BMERB1: variants seen among roughly 807,000 people sequenced by gnomAD.
BMERB1 encodes the protein bMERB domain containing 1, also known as bMERB domain-containing protein 1.
A neutral mutation model predicts 23.6 loss-of-function variants in BMERB1; 12 were observed. The observed-to-expected ratio is 0.51, with a 90% CI of 0.33 to 0.82. The LOEUF (loss-of-function observed/expected upper bound fraction) is 0.82, where lower values mean the gene tolerates loss of function less well. BMERB1 is among the 40% of genes least tolerant of loss of function. BMERB1 has a pLI of 0.03. For synonymous variants in BMERB1, 122 were observed against 96.6 expected, an observed-to-expected ratio of 1.26 and a Z score of -1.54; for missense variants, 247 against 255.4, an observed-to-expected ratio of 0.97 and a Z score of 0.22.
rs35263139 is a variant in BMERB1 at position 15,488,669 on chromosome 16, TAA to T, written c.107-26621_107-26620del. 1.9e-4 allele frequency among the ~76,000 whole-genome samples: 25 copies of T among 132,794 alleles called. 1 individual carries two copies. The highest frequency in any genetic ancestry group is 4.2e-4 in the African/African-American group (15 of 35,780). 87.1% of individuals were successfully genotyped at this position (132,794 alleles called of 152,430 possible). On this transcript the variant is annotated intron_variant, in intron 1 of 5. Transcript: ENST00000300006. The stretch of plus-strand genomic sequence containing the variant: ...TAACACAGTGAAACCCCATCTCTAC[TAA>T]AAAAAAAAAAAAAATACAAAAATTA...
At chr16:15,474,672 G>A (rs769865123) in intron 1 of BMERB1, among the ~76,000 whole-genome samples, 21 of 151,588 alleles carry the variant, frequency 1.4e-4, no homozygotes, top group Non-Finnish European at 2.5e-4. Flanking sequence ...GAGCCACTGT[G>A]CCTGGCCTTT....
chr16:15,532,455 C>T (rs1447542664), intron 2 of BMERB1, among the ~76,000 whole-genome samples: 4 of 152,000 alleles, frequency 2.6e-5, no homozygotes, highest in Admixed American at 6.6e-5. Context: ...GTCTTGAACT[C>T]CTGACCTCGT....
At position 15,464,035 on chromosome 16, in the gene BMERB1, G is replaced by A. The variant is rs1017294901; in HGVS notation, c.106+29276G>A. ...ATTAGAGAAGTAAAGAATCAAGGCC[G>A]CGCACAGTGGCTCATGCCTGTAATC... is the stretch of plus-strand genomic sequence containing the variant. On this transcript the variant is annotated intron_variant, in intron 1 of 5. Transcript: ENST00000300006. 3.6e-4 allele frequency among the ~76,000 whole-genome samples: 55 copies of A among 152,086 alleles called. 1 individual carries two copies. The highest frequency in any genetic ancestry group is 6.6e-4 in the Non-Finnish European group (45 of 68,020).
chr16:15,510,655 T>G (rs947122029), intron 1 of BMERB1, among the ~76,000 whole-genome samples: 6 of 151,922 alleles, frequency 3.9e-5, no homozygotes, highest in Admixed American at 2.0e-4. Context: ...CTGGTAAGGC[T>G]GGTCTTCTAG....
At chr16:15,454,484 C>CA (rs1344257619) in intron 1 of BMERB1, among the ~76,000 whole-genome samples, 1 of 152,132 alleles carries the variant, frequency 6.6e-6, no homozygotes, top group African/African-American at 2.4e-5. Flanking sequence ...GATGGGGACA[C>CA]AGAGGCGATT....
At chr16:15,541,418 G>T (rs1053443994) in intron 2 of BMERB1, among the ~76,000 whole-genome samples, 3 of 140,296 alleles carry the variant, frequency 2.1e-5, no homozygotes, top group African/African-American at 8.2e-5. Flanking sequence ...GTTGCCCGCC[G>T]AATTGTTTTT....
chr16:15,530,183 G>T (rs1381985193), intron 2 of BMERB1, among the ~76,000 whole-genome samples: 3 of 152,104 alleles, frequency 2.0e-5, no homozygotes, highest in Non-Finnish European at 4.4e-5. Context: ...TCTCTTAAAT[G>T]TATGCCTAGC....
At chr16:15,440,912 G>A (rs1356195983) in intron 1 of BMERB1, among the ~76,000 whole-genome samples, 1 of 152,178 alleles carries the variant, frequency 6.6e-6, no homozygotes, top group Non-Finnish European at 1.5e-5. Flanking sequence ...GCATTAATAG[G>A]GAAGGGGTAC....
chr16:15,584,327 A>ATAC, intron 5 of BMERB1: 14 of 318,740 alleles, frequency 4.4e-5, no homozygotes, highest in Admixed American at 1.4e-4. Flanking sequence ...TGGGAGGCCG[A>ATAC]GGCGGGCGGA....
At chr16:15,556,094 G>T (rs369574794) in intron 2 of BMERB1, among the ~76,000 whole-genome samples, 6 of 151,758 alleles carry the variant, frequency 4.0e-5, no homozygotes, top group Non-Finnish European at 8.8e-5. Flanking sequence ...CAGGAGAATC[G>T]CCTGAACCTG....
chr16:15,437,415 CTCAA>C (rs1250825843), intron 1 of BMERB1, among the ~76,000 whole-genome samples: 1 of 152,138 alleles, frequency 6.6e-6, no homozygotes, highest in Non-Finnish European at 1.5e-5. Flanking sequence ...AGGTTAAGTG[CTCAA>C]TACGTATTGT....
chr16:15,571,595 C>G (rs1287707890), intron 3 of BMERB1, among the ~76,000 whole-genome samples: 1 of 152,068 alleles, frequency 6.6e-6, no homozygotes, highest in Non-Finnish European at 1.5e-5. Context: ...ACCTCATGAT[C>G]CACCCACCTC....
intron 1 of BMERB1, among the ~76,000 whole-genome samples, chr16:15,449,861 C>A (rs1314166271): frequency 1.3e-5 from 2 of 151,916 alleles, no homozygotes; most frequent in African/African-American, 4.8e-5. Context: ...TATTTTTAAT[C>A]TCCATCTAGT....
At chr16:15,553,373 G>T (rs1180024818) in intron 2 of BMERB1, among the ~76,000 whole-genome samples, 1 of 152,228 alleles carries the variant, frequency 6.6e-6, no homozygotes, top group Admixed American at 6.5e-5. Flanking sequence ...TACTTGGAAG[G>T]CTGAGGCAGG....
At chr16:15,576,528 G>C (rs1250941616) in intron 3 of BMERB1, among the ~76,000 whole-genome samples, 1 of 152,128 alleles carries the variant, frequency 6.6e-6, no homozygotes, top group Non-Finnish European at 1.5e-5. Flanking sequence ...GGACAGTGGA[G>C]TCTCCTGAAG....
chr16:15,461,165 A>G (rs1191611358), intron 1 of BMERB1, among the ~76,000 whole-genome samples: 1 of 150,976 alleles, frequency 6.6e-6, no homozygotes, highest in Non-Finnish European at 1.5e-5. Context: ...AGGGGCTTTG[A>G]GCCTTCTGAC....
At chr16:15,506,912 A>T (rs1159538159) in intron 1 of BMERB1, among the ~76,000 whole-genome samples, 1 of 152,132 alleles carries the variant, frequency 6.6e-6, no homozygotes, top group Non-Finnish European at 1.5e-5. Flanking sequence ...AGAACCCTTG[A>T]TGTTGCTGCA....
At position 15,517,017 on chromosome 16, in the gene BMERB1, C is replaced by A. The variant is rs142584011; in HGVS notation, c.230+1589C>A. On this transcript the variant is annotated intron_variant, in intron 2 of 5. Transcript: ENST00000300006. ...AATGAACTGCAGTATTCACAGCTGT[C>A]ATTTATCCAGCCCTTTGCATGTGCA... 3.8e-3 allele frequency among the ~76,000 whole-genome samples: 573 copies of A among 152,318 alleles called. 8 individuals carry two copies. Among genetic ancestry groups the A allele is most frequent in the African/African-American group, 0.013 (554 of 41,558 alleles).
chr16:15,488,922 AAG>A (rs2051391834), intron 1 of BMERB1, among the ~76,000 whole-genome samples: 1 of 150,558 alleles, frequency 6.6e-6, no homozygotes, highest in Non-Finnish European at 1.5e-5. Flanking sequence ...AAAAAAAAAA[AAG>A]GAATGTACTA....
Sources: gnomAD v4.1 joint callset for allele counts (sites outside exome capture counted in the v4.1 genomes callset) on GRCh38, gnomAD v4.1.1 for gene constraint, MANE v1.5 for transcripts, NCBI Gene and HGNC (gene_info 2026-07-23, HGNC 2026-07-21) for gene names.